ABCC5: variants seen among roughly 807,000 people sequenced by gnomAD.
The protein encoded by ABCC5 is ATP binding cassette subfamily C member 5.
A neutral mutation model predicts 160.9 loss-of-function variants in ABCC5; 61 were observed. The observed-to-expected ratio is 0.38, with a 90% CI of 0.31 to 0.47. The LOEUF is 0.47. Among genes scored for constraint, ABCC5 ranks in the 20% least tolerant of loss-of-function variants. The pLI is 0.99. For missense variants in ABCC5, 1,308 were observed against 1,813.3 expected (o/e 0.72, Z 5.06); for synonymous variants, 666 against 700.6 (o/e 0.95, Z 0.78).
At chr3:183,938,110 A>C in intron 25 of ABCC5, 50 bp from the exon 26 acceptor site, 1 of 1,588,800 alleles carries the variant, frequency 6.3e-7, no homozygotes, top group Non-Finnish European at 8.6e-7. Flanking sequence ...AAAGTCTGTG[A>C]GGACAATGCT....
intron 16 of ABCC5, among the ~76,000 whole-genome samples, chr3:183,960,875 T>C (rs913742204): frequency 6.6e-6 from 1 of 152,030 alleles, no homozygotes; most frequent in Admixed American, 6.6e-5. Context: ...AACCTCTGCC[T>C]CCTGGGTTCA....
At chr3:184,014,165 G>T (rs1020956477) in intron 2 of ABCC5, 99 bp downstream of exon 2, 3 of 1,168,916 alleles carry the variant, frequency 2.6e-6, no homozygotes, top group Non-Finnish European at 3.6e-6. Flanking sequence ...GAGCCACCGC[G>T]CCCGGCCAAA....
At chr3:183,952,101 G>A in intron 18 of ABCC5, 98 bp from the exon 19 acceptor site, 1 of 1,265,478 alleles carries the variant, frequency 7.9e-7, no homozygotes, top group Non-Finnish European at 1.1e-6. Context: ...CAGGGTACAG[G>A]ATAATGACCC....
Position 183,963,559 on chromosome 3 carries a change from A to G in ABCC5, c.2061T>C (p.Gly687=), listed in dbSNP as rs1419453701. The G allele has an allele frequency of 6.2e-7, 1 of 1,614,102 alleles. No individual in the cohort carries two copies. Among genetic ancestry groups the G allele is most frequent in the Admixed American group, 1.7e-5 (1 of 60,012 alleles). Reference sequence around the variant, plus strand: ...CAAGGCTGATCCTCTGGCGCTGCCCACCGCTCAGGTTGGCTCCTCGCTCTC... The same window carrying G: ...CAAGGCTGATCCTCTGGCGCTGCCCGCCGCTCAGGTTGGCTCCTCGCTCTC... The part of the protein sequence containing the change: ...EIGERGANLS[G]GQRQRISLAR... The change falls in exon 15 of 30, where the codon GGT becomes GGC. Residue 687 remains glycine (G), a synonymous_variant. Coordinates refer to ENST00000334444, the MANE Select transcript of ABCC5 (RefSeq NM_005688.4). This position sits in a 1 kb window ranked among gnomAD's most constrained non-coding sequence, Gnocchi z 4.6.
intron 25 of ABCC5, among the ~76,000 whole-genome samples, chr3:183,941,113 G>A (rs921067090): frequency 6.6e-6 from 1 of 152,182 alleles, no homozygotes; most frequent in Admixed American, 6.5e-5. Context: ...ACCAGCCTGG[G>A]CCTCCCAGAG....
At chr3:183,998,477 T>C (rs934913861) in intron 2 of ABCC5, among the ~76,000 whole-genome samples, 8 of 152,124 alleles carry the variant, frequency 5.3e-5, no homozygotes, top group South Asian at 2.1e-4. Flanking sequence ...CAACATAGCA[T>C]GTACTATGTG....
intron 26 of ABCC5, among the ~76,000 whole-genome samples, chr3:183,937,610 A>T (rs1713864206): frequency 6.6e-6 from 1 of 152,184 alleles, no homozygotes; most frequent in Non-Finnish European, 1.5e-5. Flanking sequence ...CAGGCACAGG[A>T]GTGGTTAAAT....
intron 2 of ABCC5, among the ~76,000 whole-genome samples, chr3:183,998,821 G>T (rs6773408): frequency 0.55 from 83,291 of 151,954 alleles, 23,573 homozygotes; most frequent in East Asian, 0.76. Context: ...CAGGCGTAGT[G>T]GCTCACGCCT....
chr3:183,981,776 T>A lies in ABCC5; in HGVS notation c.1098A>T (p.Lys366Asn). Residue 366 changes from lysine (K) to asparagine (N), a missense_variant, in exon 8 of 30, where the codon AAA becomes AAT. By Grantham distance (94) the Lys-to-Asn change is moderately conservative. Around this residue, in one of 3 missense-constraint regions of ABCC5, gnomAD observed 1,142 missense variants for 1,527.1 expected, o/e 0.75. Transcript: ENST00000334444. ...QKMNEVLTYIKFIKMYAWVKA... is the reference protein window; with the variant it reads ...QKMNEVLTYINFIKMYAWVKA... ...TGACCCAGGCATACATTTTGATAAA[T>A]TTAATGTAAGTAAGAACTTCATTCA... 6.2e-7 allele frequency: 1 copy of A among 1,609,724 alleles called. No individual in the cohort carries two copies. Among genetic ancestry groups the A allele is most frequent in the Non-Finnish European group, 8.5e-7 (1 of 1,178,954 alleles).
chr3:183,968,124 TTTATTA>T (rs1326583648), intron 11 of ABCC5, among the ~76,000 whole-genome samples: 3 of 148,204 alleles, frequency 2.0e-5, no homozygotes, highest in African/African-American at 7.3e-5. Flanking sequence ...TAAAAATCAT[TTTATTA>T]TTATTATTAT....
chr3:184,006,694 C>T (rs1237847695), intron 2 of ABCC5, among the ~76,000 whole-genome samples: 1 of 152,206 alleles, frequency 6.6e-6, no homozygotes, highest in Admixed American at 6.5e-5. Context: ...CCTAACAATA[C>T]ATCTTCGAAT....
rs139761488 is a variant in ABCC5 at position 183,935,285 on chromosome 3, A to C, written c.3854+2616T>G. 4.0e-5 allele frequency among the ~76,000 whole-genome samples: 6 copies of C among 151,748 alleles called. No homozygotes were observed. In the East Asian group the frequency reaches 1.2e-3, roughly 29 times the overall value. ...AACCTCCACCTCCCAGGTTCCAGCA[A>C]TTCTCCTGCCTCAGCCTCCCGTGTA... is the stretch of plus-strand genomic sequence containing the variant. On this transcript the variant is annotated intron_variant, in intron 26 of 29. Transcript: ENST00000334444.
At chr3:183,971,110 A>T (rs1043784420) in intron 11 of ABCC5, among the ~76,000 whole-genome samples, 43 of 152,112 alleles carry the variant, frequency 2.8e-4, no homozygotes, top group African/African-American at 1.0e-3. Flanking sequence ...GACATCATCT[A>T]CCGTTAACGA....
At chr3:184,003,632 G>A (rs760457113) in intron 2 of ABCC5, among the ~76,000 whole-genome samples, 3 of 152,148 alleles carry the variant, frequency 2.0e-5, no homozygotes, top group Non-Finnish European at 4.4e-5. Flanking sequence ...CTGTAGCTGT[G>A]CTATGTTACT....
chr3:183,932,398 C>T (rs563043099), intron 26 of ABCC5, among the ~76,000 whole-genome samples: 4 of 152,222 alleles, frequency 2.6e-5, no homozygotes, highest in Non-Finnish European at 4.4e-5. Context: ...ATGAGGAAGG[C>T]AGATGAGACT....
rs1717353631 is a variant in ABCC5 at position 183,967,689 on chromosome 3, T to C, written c.1833+6A>G. On this transcript the variant is annotated splice_donor_region_variant and intron_variant, in intron 12 of 29. Coordinates refer to ENST00000334444, the MANE Select transcript of ABCC5 (RefSeq NM_005688.4). ...CAGCAGAAAAGGACAATAACAAAAA[T>C]CTTACCTGGCCTAAAATGGCTGAAA... is the stretch of plus-strand genomic sequence containing the variant. 5 of 1,611,854 alleles carry C rather than the reference T, an allele frequency of 3.1e-6. No individual in the cohort carries two copies. The South Asian group carries it at 5.5e-5, about 18-fold the overall frequency.
chr3:183,990,165 G>A (rs1719624739), intron 2 of ABCC5, among the ~76,000 whole-genome samples: 1 of 151,938 alleles, frequency 6.6e-6, no homozygotes, highest in African/African-American at 2.4e-5. Context: ...CCGGAGTGCA[G>A]TGGCATGATC....
Position 184,017,530 on chromosome 3 carries a change from C to G in ABCC5, c.-56+300G>C, listed in dbSNP as rs1722291510. On this transcript the variant is annotated intron_variant, in intron 1 of 29. Coordinates refer to ENST00000334444, the MANE Select transcript of ABCC5 (RefSeq NM_005688.4). This position sits in a 1 kb window ranked among gnomAD's most constrained non-coding sequence, Gnocchi z 4.5. ...GAGCGCGACCCACACCCACGGCCCGCGGGCGCAGCGCCCCCTGGCGGCCGC... is the reference window on the plus strand; with the variant it reads ...GAGCGCGACCCACACCCACGGCCCGGGGGCGCAGCGCCCCCTGGCGGCCGC... 6.6e-6 allele frequency: 1 copy of G among 152,148 alleles called. No homozygotes were observed. The highest frequency in any genetic ancestry group is 6.5e-5 in the Admixed American group (1 of 15,276). 9.4% of individuals were successfully genotyped at this position (152,148 alleles called of 1,614,324 possible).
chr3:183,930,555 G>C (rs547315052), intron 26 of ABCC5, among the ~76,000 whole-genome samples: 1 of 152,316 alleles, frequency 6.6e-6, no homozygotes, highest in African/African-American at 2.4e-5. Flanking sequence ...ATAGAGAAGG[G>C]TGGGCCCTTA....
Sources: gnomAD v4.1 joint callset for allele counts (sites outside exome capture counted in the v4.1 genomes callset) on GRCh38, gnomAD v4.1.1 for gene constraint, gnomAD v4.1.1 regional missense constraint, Gnocchi (gnomAD v3.1) non-coding constraint, MANE v1.5 for transcripts, NCBI Gene and HGNC (gene_info 2026-07-23, HGNC 2026-07-21) for gene names.